QTMAN: variants seen among roughly 807,000 people sequenced by gnomAD.
QTMAN encodes the protein tRNA-queuosine alpha-mannosyltransferase.
chr2:144,131,321 G>A, the QTMAN span, among the ~76,000 whole-genome samples: 45 of 151,764 alleles, frequency 3.0e-4, no homozygotes, highest in African/African-American at 8.9e-4. Context: ...GAAATCTCCC[G>A]GACACTCCTC....
chr2:144,041,512 T>C, the QTMAN span, among the ~76,000 whole-genome samples: 1 of 152,188 alleles, frequency 6.6e-6, no homozygotes. Context: ...GTTAGGAAAC[T>C]TATGTCCTAA....
chr2:144,178,657 T>C, the QTMAN span: 28 of 161,890 alleles, frequency 1.7e-4, no homozygotes, highest in Admixed American at 1.6e-3. Flanking sequence ...CTGGTCTCCA[T>C]ATGGTCTGCA....
the QTMAN span, among the ~76,000 whole-genome samples, chr2:144,042,372 G>A: frequency 6.6e-6 from 1 of 151,996 alleles, no homozygotes; most frequent in South Asian, 2.1e-4. Context: ...TAGCGTCACT[G>A]ACAGGAAAAA....
chr2:144,132,102 T>C, the QTMAN span, among the ~76,000 whole-genome samples: 1 of 151,996 alleles, frequency 6.6e-6, no homozygotes, highest in Admixed American at 6.6e-5. Flanking sequence ...ACAAAGATCT[T>C]AACCTGAAGA....
chr2:144,306,342 A>G, the QTMAN span, among the ~76,000 whole-genome samples: 1 of 152,232 alleles, frequency 6.6e-6, no homozygotes, highest in Non-Finnish European at 1.5e-5. Flanking sequence ...ATAACAAAAT[A>G]CGATATAGAC....
At chr2:144,014,875 T>C in the QTMAN span, among the ~76,000 whole-genome samples, 10 of 152,314 alleles carry the variant, frequency 6.6e-5, no homozygotes, top group Middle Eastern at 3.4e-3. Context: ...AATCTAACAC[T>C]TTCCAGATAA....
the QTMAN span, among the ~76,000 whole-genome samples, chr2:144,087,751 C>T: frequency 6.6e-6 from 1 of 152,016 alleles, no homozygotes; most frequent in East Asian, 1.9e-4. Context: ...AATTCAAAGT[C>T]CTTTCATTAT....
At chr2:144,145,836 A>AAC in the QTMAN span, 4 of 931,988 alleles carry the variant, frequency 4.3e-6, no homozygotes, top group Non-Finnish European at 6.6e-6. Context: ...CCCCAAGAAA[A>AAC]ACACATCCCC....
the QTMAN span, among the ~76,000 whole-genome samples, chr2:144,205,180 C>G: frequency 6.6e-6 from 1 of 152,076 alleles, no homozygotes; most frequent in African/African-American, 2.4e-5. Flanking sequence ...AGTATATAGT[C>G]TTTGCAGGTG....
chr2:144,324,887 A>G, the QTMAN span, among the ~76,000 whole-genome samples: 3 of 151,784 alleles, frequency 2.0e-5, no homozygotes, highest in Non-Finnish European at 4.4e-5. Context: ...GACAAACGTC[A>G]TCACACCTAA....
chr2:144,222,740 A>G, the QTMAN span, among the ~76,000 whole-genome samples: 1 of 152,134 alleles, frequency 6.6e-6, no homozygotes, highest in Non-Finnish European at 1.5e-5. Context: ...CCCAGGAGGC[A>G]GAGCTTGCAG....
At chr2:144,123,281 T>C in the QTMAN span, among the ~76,000 whole-genome samples, 4 of 152,112 alleles carry the variant, frequency 2.6e-5, no homozygotes, top group African/African-American at 7.2e-5. Context: ...TTTTCTGTCA[T>C]AAAGGTACAG....
At chr2:143,990,291 A>T in the QTMAN span, among the ~76,000 whole-genome samples, 3 of 152,078 alleles carry the variant, frequency 2.0e-5, no homozygotes, top group African/African-American at 4.8e-5. Context: ...TTAATTTGGG[A>T]AAAATTCTAC....
At chr2:144,203,573 C>T in the QTMAN span, among the ~76,000 whole-genome samples, 27 of 152,118 alleles carry the variant, frequency 1.8e-4, no homozygotes, top group South Asian at 5.6e-3. Context: ...ACAAAGACCT[C>T]AAAAGAGGAA....
At chr2:144,283,492 C>T in the QTMAN span, among the ~76,000 whole-genome samples, 2 of 151,988 alleles carry the variant, frequency 1.3e-5, no homozygotes, top group Non-Finnish European at 1.5e-5. Context: ...GAGGGAGTGA[C>T]ATTGTATTGT....
chr2:144,142,089 C>T, the QTMAN span: 5 of 1,501,346 alleles, frequency 3.3e-6, no homozygotes, highest in South Asian at 5.8e-5. Context: ...AAATGATGAG[C>T]CCAGACTCAT....
the QTMAN span, chr2:144,007,291 T>C: frequency 3.1e-4 from 501 of 1,613,248 alleles, 6 homozygotes; most frequent in Middle Eastern, 0.013. Context: ...TGATGAGAGC[T>C]TGAATTATCT....
At chr2:144,281,980 C>G in the QTMAN span, among the ~76,000 whole-genome samples, 2 of 152,072 alleles carry the variant, frequency 1.3e-5, no homozygotes, top group African/African-American at 4.8e-5. Flanking sequence ...CTTAAACATT[C>G]AAAAGAATCA....
At chr2:144,198,801 GA>G in the QTMAN span, among the ~76,000 whole-genome samples, 2 of 152,124 alleles carry the variant, frequency 1.3e-5, no homozygotes, top group Non-Finnish European at 2.9e-5. Context: ...ATATGAACTA[GA>G]AAAAAATTTG....
Sources: gnomAD v4.1 joint callset for allele counts (sites outside exome capture counted in the v4.1 genomes callset) on GRCh38, gnomAD v4.1.1 for gene constraint, MANE v1.5 for transcripts, NCBI Gene and HGNC (gene_info 2026-07-23, HGNC 2026-07-21) for gene names.